The following ADGRL3 variants were observed in gnomAD, a reference collection of about 807,000 sequenced individuals.
ADGRL3 encodes the protein calcium-independent alpha-latrotoxin receptor 3.
Under a neutral mutation model 153.5 loss-of-function variants are expected in ADGRL3, and 62 were observed. The ratio of observed to expected loss-of-function variants is 0.40; its 90% CI spans 0.33 to 0.50. The LOEUF (loss-of-function observed/expected upper bound fraction) is 0.50, where lower values mean the gene tolerates loss of function less well. Ranked by LOEUF, ADGRL3 falls within the 20% of genes least tolerant of loss-of-function variation. ADGRL3 has a pLI of 0.47. For missense variants in ADGRL3, 1,641 were observed against 1,859.4 expected (o/e 0.88, Z 2.16); for synonymous variants, 710 against 672.5 (o/e 1.06, Z -0.86).
chr4:61,642,904 T>C (rs1203941558), intron 5 of ADGRL3, among the ~76,000 whole-genome samples: 1 of 152,228 alleles, frequency 6.6e-6, no homozygotes, highest in Non-Finnish European at 1.5e-5. Flanking sequence ...ACGATATTGA[T>C]TCTTCCTACC....
chr4:61,515,046 T>G (rs2098484643), intron 3 of ADGRL3, among the ~76,000 whole-genome samples: 1 of 152,154 alleles, frequency 6.6e-6, no homozygotes, highest in Non-Finnish European at 1.5e-5. Flanking sequence ...CCTATGCTAC[T>G]CTTCCCTCCC....
chr4:61,703,302 A>AT (rs11359169), intron 6 of ADGRL3, among the ~76,000 whole-genome samples: 1 of 151,984 alleles, frequency 6.6e-6, no homozygotes, highest in East Asian at 1.9e-4. Context: ...CTTGGTTGAT[A>AT]TTTTTTTCAG....
intron 1 of ADGRL3, among the ~76,000 whole-genome samples, chr4:61,271,590 C>A (rs1369280531): frequency 6.6e-6 from 1 of 152,006 alleles, no homozygotes. Context: ...CATTTCTGAA[C>A]TCTTTGCTGA....
chr4:61,808,713 C>T (rs929145310), intron 8 of ADGRL3, among the ~76,000 whole-genome samples: 1 of 150,484 alleles, frequency 6.6e-6, no homozygotes, highest in African/African-American at 2.5e-5. Flanking sequence ...ACAAACAACA[C>T]ATTGACCTAT....
chr4:61,594,503 G>C (rs2098981414), intron 5 of ADGRL3, among the ~76,000 whole-genome samples: 1 of 152,124 alleles, frequency 6.6e-6, no homozygotes, highest in South Asian at 2.1e-4. Context: ...ATAATGTTGT[G>C]GTTTTTGCAG....
At chr4:61,876,511 A>G (rs149181572) in intron 9 of ADGRL3, among the ~76,000 whole-genome samples, 26 of 152,304 alleles carry the variant, frequency 1.7e-4, no homozygotes, top group African/African-American at 6.0e-4. Flanking sequence ...ATGAATACAG[A>G]TGTAAGTAAT....
At chr4:61,674,508 A>G (rs965713320) in intron 5 of ADGRL3, among the ~76,000 whole-genome samples, 1 of 151,778 alleles carries the variant, frequency 6.6e-6, no homozygotes, top group Non-Finnish European at 1.5e-5. Context: ...ATGACTATAG[A>G]CCAAGATAGG....
At chr4:61,897,096 A>G (rs2098636003) in intron 11 of ADGRL3, among the ~76,000 whole-genome samples, 1 of 152,198 alleles carries the variant, frequency 6.6e-6, no homozygotes, top group Non-Finnish European at 1.5e-5. Flanking sequence ...TCTGCAGCCC[A>G]GCTAATCTTA....
chr4:61,637,549 A>C (rs2093477170), intron 5 of ADGRL3, among the ~76,000 whole-genome samples: 1 of 152,122 alleles, frequency 6.6e-6, no homozygotes, highest in Non-Finnish European at 1.5e-5. Context: ...AGATCACTGG[A>C]GGTTAGGAGT....
chr4:62,051,412 CCATT>C lies in ADGRL3; in HGVS notation c.3814+6866_3814+6869del, dbSNP rs557897950. On this transcript the variant is annotated intron_variant, in intron 25 of 26. Transcript: ENST00000683033. ...CCAAATAATTTTCAGAGTTAAGTCT[CCATT>C]CAAGTGGCAAAATGAAATATATGAA... 2.0e-4 allele frequency among the ~76,000 whole-genome samples: 30 copies of C among 151,422 alleles called. No homozygotes were observed. In the South Asian group the frequency reaches 6.2e-3, roughly 31 times the overall value.
chr4:61,413,832 G>T (rs1041282141), intron 2 of ADGRL3, among the ~76,000 whole-genome samples: 2 of 152,180 alleles, frequency 1.3e-5, no homozygotes, highest in African/African-American at 4.8e-5. Flanking sequence ...AATCCACATT[G>T]TTCCATGAGT....
In ADGRL3 at chr4:62,076,798, C is replaced by G. The variant is rs1747289309; in HGVS notation, c.*5890C>G. 6.6e-6 allele frequency: 1 copy of G among 151,812 alleles called. No individual in the cohort carries two copies. The highest frequency in any genetic ancestry group is 2.4e-5 in the African/African-American group (1 of 41,424). 9.4% of individuals were successfully genotyped at this position (151,812 alleles called of 1,614,324 possible). On this transcript the variant is annotated 3_prime_UTR_variant, in exon 27 of 27. Coordinates refer to ENST00000683033, the MANE Select transcript of ADGRL3 (RefSeq NM_001387552.1). The stretch of plus-strand genomic sequence containing the variant: ...TCTGAATTCATCTTCACTCTCTAAT[C>G]TGCTGGCTCTATTGAACACCAACAG...
intron 8 of ADGRL3, among the ~76,000 whole-genome samples, chr4:61,768,331 C>G (rs1296347261): frequency 3.3e-5 from 5 of 151,772 alleles, no homozygotes; most frequent in Non-Finnish European, 7.4e-5. Flanking sequence ...CCTAGCTTGG[C>G]CTGTCGAGGA....
intron 21 of ADGRL3, among the ~76,000 whole-genome samples, chr4:62,027,320 G>GA (rs1431442740): frequency 2.0e-5 from 3 of 151,884 alleles, no homozygotes; most frequent in African/African-American, 7.2e-5. Flanking sequence ...AACTCTCTTT[G>GA]AATGTCCCCG....
chr4:61,616,852 G>A (rs1421970384), intron 5 of ADGRL3, among the ~76,000 whole-genome samples: 1 of 151,672 alleles, frequency 6.6e-6, no homozygotes, highest in Non-Finnish European at 1.5e-5. Context: ...GTGGGGTCTT[G>A]TTATGTTGCC....
At chr4:61,695,542 T>C (rs1020133559) in intron 6 of ADGRL3, among the ~76,000 whole-genome samples, 3 of 152,106 alleles carry the variant, frequency 2.0e-5, no homozygotes, top group African/African-American at 7.2e-5. Context: ...ACAGGCAGAG[T>C]AGTTTACCAT....
At chr4:61,434,218 T>A (rs1434740210) in intron 2 of ADGRL3, among the ~76,000 whole-genome samples, 2 of 152,080 alleles carry the variant, frequency 1.3e-5, no homozygotes, top group Admixed American at 1.3e-4. Flanking sequence ...TTAAAGAGTC[T>A]CTTCTGTAAT....
At chr4:61,817,823 A>G (rs1360400206) in intron 9 of ADGRL3, among the ~76,000 whole-genome samples, 1 of 152,126 alleles carries the variant, frequency 6.6e-6, no homozygotes, top group East Asian at 1.9e-4. Flanking sequence ...AAATCATCAG[A>G]TCTCATGAGA....
At chr4:61,703,349 A>G (rs1375923365) in intron 6 of ADGRL3, among the ~76,000 whole-genome samples, 2 of 152,268 alleles carry the variant, frequency 1.3e-5, no homozygotes, top group East Asian at 3.9e-4. Context: ...ATCCATTTAC[A>G]ATCCTCCTGT....
Sources: gnomAD v4.1 joint callset for allele counts (sites outside exome capture counted in the v4.1 genomes callset) on GRCh38, gnomAD v4.1.1 for gene constraint, MANE v1.5 for transcripts, NCBI Gene and HGNC (gene_info 2026-07-23, HGNC 2026-07-21) for gene names.